AFF1: variants seen among roughly 807,000 people sequenced by gnomAD.
AFF1 encodes AF4/FMR2 family member 1.
In AFF1, 48 loss-of-function variants were observed where a neutral mutation model predicts 121.7. The ratio of observed to expected loss-of-function variants is 0.39; its 90% CI spans 0.31 to 0.50. AFF1 has a LOEUF of 0.50. Among genes scored for constraint, AFF1 ranks in the 20% least tolerant of loss-of-function variants. The pLI is 0.76. For missense variants in AFF1, 1,523 were observed against 1,511.7 expected (o/e 1.01, Z -0.12); for synonymous variants, 613 against 563.0 (o/e 1.09, Z -1.26).
Position 87,050,586 on chromosome 4 carries a change from C to T in AFF1, c.1059+2992C>T, listed in dbSNP as rs115521812. 9.7e-4 allele frequency among the ~76,000 whole-genome samples: 147 copies of T among 152,296 alleles called. 1 individual carries two copies. The highest frequency in any genetic ancestry group is 3.5e-3 in the African/African-American group (144 of 41,550). On this transcript the variant is annotated intron_variant, in intron 4 of 20. Transcript: ENST00000395146. ...ACTCATAGTCTTCTCTGGGATAAGTCTTTCTCAGAATTAAAGTTTAATTCT... is the reference window on the plus strand; with the variant it reads ...ACTCATAGTCTTCTCTGGGATAAGTTTTTCTCAGAATTAAAGTTTAATTCT...
At chr4:87,043,220 A>G (rs558989469) in intron 2 of AFF1, among the ~76,000 whole-genome samples, 5 of 152,332 alleles carry the variant, frequency 3.3e-5, no homozygotes, top group South Asian at 4.1e-4. Flanking sequence ...TTTAAGTGGC[A>G]TATCAGAGAG....
intron 5 of AFF1, among the ~76,000 whole-genome samples, chr4:87,089,250 A>G (rs1724055613): frequency 6.6e-6 from 1 of 152,218 alleles, no homozygotes; most frequent in African/African-American, 2.4e-5. Context: ...AATTTGACAC[A>G]TCTTTTTTCT....
At chr4:87,019,330 C>G (rs1489711619) in intron 2 of AFF1, among the ~76,000 whole-genome samples, 1 of 152,180 alleles carries the variant, frequency 6.6e-6, no homozygotes, top group African/African-American at 2.4e-5. Context: ...CCTCAGGAGA[C>G]AGAATCTCTC....
At chr4:86,950,837 CG>C (rs1721253824) in intron 2 of AFF1, among the ~76,000 whole-genome samples, 1 of 152,168 alleles carries the variant, frequency 6.6e-6, no homozygotes, top group East Asian at 1.9e-4. Flanking sequence ...TTTACACATA[CG>C]TTTTACATTT....
intron 4 of AFF1, among the ~76,000 whole-genome samples, chr4:87,070,572 G>T (rs557272119): frequency 1.3e-5 from 2 of 152,354 alleles, no homozygotes; most frequent in African/African-American, 4.8e-5. Context: ...TGATGTATGT[G>T]TGCGTATGCA....
intron 8 of AFF1, among the ~76,000 whole-genome samples, chr4:87,096,891 C>T (rs954002311): frequency 3.3e-5 from 5 of 152,280 alleles, no homozygotes; most frequent in African/African-American, 7.2e-5. Context: ...TACCAGCACA[C>T]ACCACCACAC....
Position 86,949,145 on chromosome 4 carries a change from A to G in AFF1, c.38+574A>G, listed in dbSNP as rs923110861. Among the ~76,000 whole-genome samples the G allele has an allele frequency of 8.6e-5, 13 of 150,578 alleles. No individual in the cohort carries two copies. The East Asian group carries it at 9.7e-4, about 11-fold the overall frequency. Reference sequence around the variant, plus strand: ...GTTATCACTGATTAGTTTTTATTTAAAGTATTAGCTATTCAAAAATATATA... The same window carrying G: ...GTTATCACTGATTAGTTTTTATTTAGAGTATTAGCTATTCAAAAATATATA... On this transcript the variant is annotated intron_variant, in intron 2 of 20. Transcript: ENST00000395146.
chr4:86,956,152 T>C (rs538012333), intron 2 of AFF1, among the ~76,000 whole-genome samples: 1 of 152,330 alleles, frequency 6.6e-6, no homozygotes, highest in African/African-American at 2.4e-5. Flanking sequence ...TGAACTAGTT[T>C]CTGGCCTGAT....
intron 4 of AFF1, among the ~76,000 whole-genome samples, chr4:87,067,303 A>G (rs1228297906): frequency 2.6e-5 from 4 of 152,232 alleles, no homozygotes; most frequent in Admixed American, 2.6e-4. Flanking sequence ...TAGTTGGAGA[A>G]TCTTGCTCAT....
At chr4:87,081,152 A>T (rs554274580) in intron 4 of AFF1, among the ~76,000 whole-genome samples, 46 of 89,716 alleles carry the variant, frequency 5.1e-4, no homozygotes, top group South Asian at 9.6e-4. Context: ...AATGAAATGA[A>T]TTTTTTTTTT....
intron 4 of AFF1, among the ~76,000 whole-genome samples, chr4:87,051,062 A>G (rs1308193479): frequency 6.6e-6 from 1 of 152,242 alleles, no homozygotes; most frequent in Non-Finnish European, 1.5e-5. Context: ...GAAGTGGAAT[A>G]AGCAGAGATG....
At chr4:86,947,819 G>GTTTTTTTTTTTT (rs71831049) in intron 1 of AFF1, among the ~76,000 whole-genome samples, 1 of 148,582 alleles carries the variant, frequency 6.7e-6, no homozygotes, top group Non-Finnish European at 1.5e-5. Context: ...GTTTTTGTTT[G>GTTTTTTTTTTTT]TTTTTTTTTT....
At position 87,131,109 on chromosome 4, in the gene AFF1, G is replaced by A; in HGVS notation, c.2991G>A (p.Lys997=). 1 of 1,614,182 alleles carries A rather than the reference G, an allele frequency of 6.2e-7. No individual in the cohort carries two copies. Among genetic ancestry groups the A allele is most frequent in the Non-Finnish European group, 8.5e-7 (1 of 1,180,030 alleles). ...LMTDRVGKAF[K]YLEAVLSFIE... ...CGGACAGGGTTGGAAAGGCTTTTAA[G>A]TACCTGGAAGCCGTCTTGTCCTTCA... is the stretch of plus-strand genomic sequence containing the variant. Residue 997 remains lysine, a synonymous_variant, in exon 17 of 21, where the codon AAG becomes AAA. Coordinates refer to ENST00000395146, the MANE Select transcript of AFF1 (RefSeq NM_001166693.3).
intron 2 of AFF1, among the ~76,000 whole-genome samples, chr4:87,016,672 C>T (rs1359163967): frequency 2.0e-5 from 3 of 151,998 alleles, no homozygotes; most frequent in Non-Finnish European, 2.9e-5. Context: ...AGTTTTAGAA[C>T]ATTTTATCCC....
At chr4:86,966,816 C>T (rs894978818) in intron 2 of AFF1, among the ~76,000 whole-genome samples, 1 of 152,130 alleles carries the variant, frequency 6.6e-6, no homozygotes, top group Non-Finnish European at 1.5e-5. Flanking sequence ...GGGGAAGTTT[C>T]CCATACATTC....
intron 2 of AFF1, among the ~76,000 whole-genome samples, chr4:87,029,182 G>A (rs1268069936): frequency 2.6e-5 from 4 of 152,114 alleles, no homozygotes; most frequent in Non-Finnish European, 4.4e-5. Context: ...AAATATTGTG[G>A]CCGTTTCTGA....
At chr4:87,051,446 A>G (rs1309397146) in intron 4 of AFF1, among the ~76,000 whole-genome samples, 1 of 149,842 alleles carries the variant, frequency 6.7e-6, no homozygotes, top group African/African-American at 2.5e-5. Context: ...CTCATTCAAC[A>G]AACTGGTATT....
At position 87,090,004 on chromosome 4, in the gene AFF1, G is replaced by T. The variant is rs143849283; in HGVS notation, c.1125G>T (p.Pro375=). The T allele has an allele frequency of 1.2e-6, 2 of 1,613,546 alleles. No individual in the cohort carries two copies. Among genetic ancestry groups the T allele is most frequent in the African/African-American group, 1.3e-5 (1 of 74,982 alleles). The change falls in exon 6 of 21, where the codon CCG becomes CCT. Residue 375 remains proline (P), a synonymous_variant. Coordinates refer to ENST00000395146, the MANE Select transcript of AFF1 (RefSeq NM_001166693.3). The part of the protein sequence containing the change: ...EILKEMTHSW[P]PPLTAIHTPS... The stretch of plus-strand genomic sequence containing the variant: ...TCCAGGAAATGACCCATTCATGGCC[G>T]CCTCCTTTGACAGCAATACATACGC...
At chr4:87,055,458 T>G (rs1720023247) in intron 4 of AFF1, among the ~76,000 whole-genome samples, 1 of 152,032 alleles carries the variant, frequency 6.6e-6, no homozygotes, top group Non-Finnish European at 1.5e-5. Flanking sequence ...GGATGAGAAA[T>G]TCCTGTTCCT....
Sources: allele counts gnomAD v4.1 joint callset (sites outside exome capture counted in the v4.1 genomes callset), GRCh38; gene constraint gnomAD v4.1.1; transcripts MANE v1.5; gene names NCBI Gene and HGNC (gene_info 2026-07-23, HGNC 2026-07-21).